Variants in USP36 observed in about 807,000 individuals in gnomAD.
USP36 encodes ubiquitin carboxyl-terminal hydrolase 36.
USP36 carries 59 observed loss-of-function variants against 111.5 expected under a neutral mutation model. The observed-to-expected ratio is 0.53, with a 90% confidence interval of 0.43 to 0.66. The LOEUF is 0.66. Among genes scored for constraint, USP36 ranks in the 30% least tolerant of loss-of-function variants. The probability of loss-of-function intolerance (pLI) is 0.00; values close to 1 mark genes in which losing one functional copy is unlikely to be tolerated. For synonymous variants in USP36, 628 were observed against 581.0 expected (o/e 1.08, Z -1.16); for missense variants, 1,488 against 1,468.0 (o/e 1.01, Z -0.22).
At chr17:78,831,007 G>T (rs1030913547) in intron 4 of USP36, among the ~76,000 whole-genome samples, 1 of 150,762 alleles carries the variant, frequency 6.6e-6, no homozygotes, top group African/African-American at 2.4e-5. Context: ...CAGGTGGATC[G>T]CGAGGTCAGG....
chr17:78,829,029 C>G, intron 4 of USP36, 22 bp from the exon 5 acceptor site: 2 of 1,605,768 alleles, frequency 1.2e-6, no homozygotes, highest in Non-Finnish European at 1.7e-6. Context: ...GAAGGAGGAG[C>G]AATTTTAAGA....
At chr17:78,820,350 G>T (rs1264317494) in intron 8 of USP36, among the ~76,000 whole-genome samples, 2 of 152,178 alleles carry the variant, frequency 1.3e-5, no homozygotes, top group African/African-American at 2.4e-5. Context: ...GGTGGTGCAT[G>T]CCTGTAGTAC....
At position 78,824,598 on chromosome 17, in the gene USP36, C is replaced by T. The variant is rs144379379; in HGVS notation, c.690-2594G>A. Among the ~76,000 whole-genome samples the T allele has an allele frequency of 1.8e-4, 27 of 152,270 alleles. No homozygotes were observed. The East Asian group carries it at 4.8e-3, about 27-fold the overall frequency. ...CATTAAAACAAAAACACACATCTTC[C>T]TAATATCCAAAGAAATTTGAGAAAT... is the stretch of plus-strand genomic sequence containing the variant. On this transcript the variant is annotated intron_variant, in intron 6 of 20. Coordinates refer to ENST00000449938, the MANE Select transcript of USP36 (RefSeq NM_001385174.1).
In USP36 at chr17:78,813,774, G is replaced by T; in HGVS notation, c.1264C>A (p.Arg422=). 6.2e-7 allele frequency: 1 copy of T among 1,613,736 alleles called. No individual in the cohort carries two copies. The highest frequency in any genetic ancestry group is 8.5e-7 in the Non-Finnish European group (1 of 1,179,762). ...NQQAYVLFYL[R]IPGSKKSPEG... The stretch of plus-strand genomic sequence containing the variant: ...CTGGGGAGGGCGTGAGTTTATTACC[G>T]CAGATAGAACAGCACGTAGGCCTGC... The change falls in exon 12 of 21, where the codon CGA becomes AGA. Residue 422 remains arginine, a splice_region_variant and synonymous_variant. Coordinates refer to ENST00000449938, the MANE Select transcript of USP36 (RefSeq NM_001385174.1).
At chr17:78,841,181 G>C (rs1171000059), upstream of USP36, 1 of 152,296 alleles carries the variant, frequency 6.6e-6, no homozygotes, top group Non-Finnish European at 1.5e-5. Context: ...CCCAGAACGG[G>C]GACTCGAGGG....
chr17:78,803,544 G>A lies in USP36; in HGVS notation c.2651C>T (p.Ala884Val), dbSNP rs748890796. The A allele has an allele frequency of 6.2e-6, 10 of 1,613,676 alleles. No individual in the cohort carries two copies. In the East Asian group the frequency reaches 2.2e-4, roughly 36 times the overall value. The change falls in exon 16 of 21, where the codon GCT (alanine) becomes GTT (valine). Residue 884 changes from alanine to valine, a missense_variant. Coordinates refer to ENST00000449938, the MANE Select transcript of USP36 (RefSeq NM_001385174.1). This position sits in a 1 kb window ranked among gnomAD's most constrained non-coding sequence, Gnocchi z 4.6. Reference protein sequence around the residue: ...YRREGQAQLPAVRRQEDGTQP... With the variant: ...YRREGQAQLPVVRRQEDGTQP... ...TGTGCCATCTTCCTGCCGTCTGACA[G>A]CGGGCAGCTGTGCCTGGCCCTCCCT...
Position 78,807,425 on chromosome 17 carries a change from G to A in USP36, c.1619C>T (p.Ala540Val). 6.2e-7 allele frequency: 1 copy of A among 1,614,210 alleles called. No homozygotes were observed. Among genetic ancestry groups the A allele is most frequent in the East Asian group, 2.2e-5 (1 of 44,888 alleles). The change falls in exon 14 of 21, where the codon GCT (alanine) becomes GTT (valine). Residue 540 changes from alanine to valine, a missense_variant. Coordinates refer to ENST00000449938, the MANE Select transcript of USP36 (RefSeq NM_001385174.1). ...TCTGGGGGAAAAGTGCTGTGGAGGA[G>A]CTGGCTTCTTCACCTTCTTTCCAGG... ...DDPGKKVKKP[A>V]PPQHFSPRTA...
At position 78,814,405 on chromosome 17, in the gene USP36, C is replaced by T; in HGVS notation, c.1164+7G>A. 6.2e-7 allele frequency: 1 copy of T among 1,613,876 alleles called. No individual in the cohort carries two copies. Among genetic ancestry groups the T allele is most frequent in the Non-Finnish European group, 8.5e-7 (1 of 1,179,968 alleles). On this transcript the variant is annotated splice_region_variant and intron_variant, in intron 11 of 20. Coordinates refer to ENST00000449938, the MANE Select transcript of USP36 (RefSeq NM_001385174.1). ...AGGAGGCAGCTGCACTGACACAAGCCTCTCACCTTCACGTAGCAGTAATAG... is the reference window on the plus strand; with the variant it reads ...AGGAGGCAGCTGCACTGACACAAGCTTCTCACCTTCACGTAGCAGTAATAG...
Position 78,798,659 on chromosome 17 carries a change from T to C in USP36, c.3241-108A>G, listed in dbSNP as rs1252588672. 1 of 1,526,514 alleles carries C rather than the reference T, an allele frequency of 6.6e-7. No individual in the cohort carries two copies. Among genetic ancestry groups the C allele is most frequent in the African/African-American group, 1.4e-5 (1 of 72,618 alleles). 94.6% of individuals were successfully genotyped at this position (1,526,514 alleles called of 1,614,324 possible). A position where few individuals can be genotyped will look rare whatever the true frequency, so the allele number is the denominator to read the frequency against. ...GCACACAGGCCGGGCTCTCATGAGC[T>C]CTCTGGAGACCCACTCTTCACAATG... On this transcript the variant is annotated intron_variant, in intron 19 of 20. Transcript: ENST00000449938. The surrounding 1 kb of genome is among the most constrained non-coding windows in gnomAD (Gnocchi z 5.1).
intron 10 of USP36, among the ~76,000 whole-genome samples, chr17:78,816,559 G>A (rs1312733215): frequency 1.3e-5 from 2 of 151,862 alleles, no homozygotes; most frequent in African/African-American, 4.8e-5. Flanking sequence ...TTGGGAGGCA[G>A]ATATTGCAGT....
chr17:78,804,095 C>T, intron 15 of USP36, 117 bp from the exon 16 acceptor site: 1 of 685,180 alleles, frequency 1.5e-6, no homozygotes, highest in Non-Finnish European at 2.4e-6. Flanking sequence ...GGCTTTTACC[C>T]TGTAGTTTTC....
rs1489602874 is a variant in USP36, at chr17:78,836,253, T to C, written c.111A>G (p.Leu37=). 9 of 1,613,974 alleles carry C rather than the reference T, an allele frequency of 5.6e-6. No homozygotes were observed. Among genetic ancestry groups the C allele is most frequent in the Non-Finnish European group, 7.6e-6 (9 of 1,180,008 alleles). The change falls in exon 3 of 21, where the codon TTA becomes TTG. Residue 37 remains leucine (L), a synonymous_variant. Transcript: ENST00000449938. ...TGGCTGGCTCGAACTCGATTTTCTG[T>C]AAAAGGACCTTCTTGGCAGAGGAGG... The part of the protein sequence containing the change: ...LLASSAKKVL[L]QKIEFEPASK...
At chr17:78,811,365 G>A (rs181600246) in intron 13 of USP36, among the ~76,000 whole-genome samples, 7 of 152,192 alleles carry the variant, frequency 4.6e-5, no homozygotes, top group Admixed American at 1.3e-4. Flanking sequence ...GTATATGTAC[G>A]TGTGTATATA....
rs997383913 is a variant in USP36, at chr17:78,818,313, A to G, written c.1023+354T>C. ...AACCAGAAGCTGCGGTAAATCCATT[A>G]AGACAGTGGCCCTGGAACTTGACTG... is the stretch of plus-strand genomic sequence containing the variant. On this transcript the variant is annotated intron_variant, in intron 10 of 20. Transcript: ENST00000449938. Among the ~76,000 whole-genome samples the G allele has an allele frequency of 5.9e-5, 9 of 152,140 alleles. No individual in the cohort carries two copies. In the South Asian group the frequency reaches 1.9e-3, roughly 32 times the overall value.
At chr17:78,811,741 G>A (rs1205439279) in intron 13 of USP36, among the ~76,000 whole-genome samples, 1 of 152,008 alleles carries the variant, frequency 6.6e-6, no homozygotes. Flanking sequence ...GGTGGCACAC[G>A]CCTGTAGTCC....
At chr17:78,840,113 A>G (rs1012720411) in intron 1 of USP36, among the ~76,000 whole-genome samples, 16 of 151,766 alleles carry the variant, frequency 1.1e-4, no homozygotes, top group African/African-American at 3.4e-4. Context: ...CCGCGGACAC[A>G]GCGACCCGAG....
intron 4 of USP36, among the ~76,000 whole-genome samples, chr17:78,834,254 A>G (rs1439460354): frequency 1.3e-5 from 2 of 151,816 alleles, no homozygotes; most frequent in East Asian, 1.9e-4. Context: ...AAAAAAAAAA[A>G]GTTACACAGA....
At chr17:78,820,077 C>G in intron 8 of USP36, 65 bp from the exon 9 acceptor site, 1 of 1,549,566 alleles carries the variant, frequency 6.5e-7, no homozygotes, top group Non-Finnish European at 8.9e-7. Flanking sequence ...CAAGAAATGC[C>G]AAATTTAAGG....
intron 7 of USP36, 138 bp downstream of exon 7, chr17:78,821,799 C>T: frequency 1.1e-6 from 1 of 938,616 alleles, no homozygotes; most frequent in Non-Finnish European, 1.6e-6. Flanking sequence ...TCAGAGGAAA[C>T]CATGGCTCAA....
Sources: allele counts gnomAD v4.1 joint callset (sites outside exome capture counted in the v4.1 genomes callset), GRCh38; gene constraint gnomAD v4.1.1; non-coding constraint Gnocchi (gnomAD v3.1); transcripts MANE v1.5; gene names NCBI Gene and HGNC (gene_info 2026-07-23, HGNC 2026-07-21).